Variants in SCMH1 observed in about 807,000 individuals in gnomAD.
SCMH1 encodes polycomb protein SCMH1.
SCMH1 carries 37 observed loss-of-function variants against 70.8 expected under a neutral mutation model. The ratio of observed to expected loss-of-function variants is 0.52; its 90% CI spans 0.40 to 0.69. The LOEUF (loss-of-function observed/expected upper bound fraction) is 0.69, where lower values mean the gene tolerates loss of function less well. Ranked by LOEUF, SCMH1 falls within the 30% of genes least tolerant of loss-of-function variation. The pLI, the probability that SCMH1 is intolerant of heterozygous loss-of-function variation, is 0.00. For missense variants in SCMH1, 607 were observed against 827.3 expected, an observed-to-expected ratio of 0.73 and a Z score of 3.27; for synonymous variants, 292 against 307.4, an observed-to-expected ratio of 0.95 and a Z score of 0.52.
At chr1:41,122,147 C>T (rs899442085) in intron 6 of SCMH1, among the ~76,000 whole-genome samples, 5 of 152,164 alleles carry the variant, frequency 3.3e-5, no homozygotes, top group African/African-American at 9.7e-5. Flanking sequence ...GCTCAAATTT[C>T]ACAACACAAA....
intron 11 of SCMH1, among the ~76,000 whole-genome samples, chr1:41,047,839 T>C (rs1408304675): frequency 1.3e-5 from 2 of 152,230 alleles, no homozygotes; most frequent in Non-Finnish European, 2.9e-5. Flanking sequence ...CTATGTATAT[T>C]CTTTCTTTTT....
At chr1:41,203,335 C>A (rs565495753) in intron 1 of SCMH1, among the ~76,000 whole-genome samples, 12 of 151,856 alleles carry the variant, frequency 7.9e-5, no homozygotes, top group African/African-American at 2.9e-4. Flanking sequence ...AATTGAGATC[C>A]GTTTTTAATT....
At chr1:41,187,922 G>C (rs1650690544) in intron 1 of SCMH1, among the ~76,000 whole-genome samples, 1 of 152,098 alleles carries the variant, frequency 6.6e-6, no homozygotes, top group Non-Finnish European at 1.5e-5. Context: ...AGGAGGTCAA[G>C]GCTGCAGTGA....
chr1:41,028,722 C>T (rs545780309), exon 14 of SCMH1: 26 of 1,613,942 alleles, frequency 1.6e-5, no homozygotes, highest in East Asian at 6.7e-5. Flanking sequence ...GGTATCGGTC[C>T]GACCCTGCAG....
intron 6 of SCMH1, among the ~76,000 whole-genome samples, chr1:41,122,618 T>C (rs959845884): frequency 3.3e-5 from 5 of 152,124 alleles, no homozygotes; most frequent in African/African-American, 1.2e-4. Flanking sequence ...AAAAACAACA[T>C]GGGGAAGAAT....
chr1:41,064,441 C>T (rs1010198990), intron 10 of SCMH1, among the ~76,000 whole-genome samples: 9 of 151,964 alleles, frequency 5.9e-5, no homozygotes, highest in African/African-American at 1.9e-4. Flanking sequence ...TTGGGAAGGA[C>T]GAAATAAAAC....
intron 1 of SCMH1, among the ~76,000 whole-genome samples, chr1:41,204,568 T>A (rs11209683): frequency 0.078 from 11,877 of 152,216 alleles, 599 homozygotes; most frequent in South Asian, 0.13. Flanking sequence ...CCTTATGACC[T>A]TGGGGCCTTT....
chr1:41,041,451 G>A (rs186082351), intron 12 of SCMH1: 1 of 152,204 alleles, frequency 6.6e-6, no homozygotes, highest in African/African-American at 2.4e-5. Flanking sequence ...TATAACAAAG[G>A]AAAGAAACAG....
At chr1:41,119,900 CTTCTT>C (rs1250592607) in intron 6 of SCMH1, among the ~76,000 whole-genome samples, 2 of 152,142 alleles carry the variant, frequency 1.3e-5, no homozygotes, top group Admixed American at 6.5e-5. Context: ...AACTGCTACT[CTTCTT>C]TTGACAATGG....
At chr1:41,186,490 C>T (rs1267272210) in intron 1 of SCMH1, among the ~76,000 whole-genome samples, 1 of 152,064 alleles carries the variant, frequency 6.6e-6, no homozygotes, top group African/African-American at 2.4e-5. Context: ...TACATTTGGT[C>T]CCATTCAAAT....
intron 5 of SCMH1, among the ~76,000 whole-genome samples, chr1:41,144,705 A>G (rs1186791691): frequency 1.3e-5 from 2 of 152,136 alleles, no homozygotes; most frequent in African/African-American, 4.8e-5. Flanking sequence ...ATAGGATTTC[A>G]TAATTTTACC....
chr1:41,114,279 CGG>C (rs1669914515), intron 7 of SCMH1, among the ~76,000 whole-genome samples: 1 of 152,024 alleles, frequency 6.6e-6, no homozygotes. Context: ...ATACTTTCAC[CGG>C]AAGTGTAGAG....
intron 2 of SCMH1, chr1:41,163,034 GAGA>G (rs1468393422): frequency 6.6e-6 from 1 of 152,294 alleles, no homozygotes; most frequent in Non-Finnish European, 1.5e-5. Flanking sequence ...TTTGGGCAAA[GAGA>G]AGGAGGGAAG....
rs867799885 is a variant in SCMH1 at position 41,223,149 on chromosome 1, A to G, written c.-118+18910T>C. ...AGAGAGATTACTGCATATTCTATCA[A>G]TGGAATCTGGAGCCTTCCAGGATTA... On this transcript the variant is annotated intron_variant, in intron 1 of 14. Transcript: ENST00000337495. Among the ~76,000 whole-genome samples the G allele has an allele frequency of 2.6e-5, 4 of 152,322 alleles. 1 individual carries two copies. In the Middle Eastern group the frequency reaches 0.014, roughly 518 times the overall value.
chr1:41,088,830 A>G (rs537473131), intron 8 of SCMH1, among the ~76,000 whole-genome samples: 9 of 152,336 alleles, frequency 5.9e-5, no homozygotes, highest in Admixed American at 3.3e-4. Context: ...TTTTATGTGT[A>G]TTATAGGATG....
chr1:41,058,543 G>A (rs1034064085), intron 10 of SCMH1, among the ~76,000 whole-genome samples: 4 of 151,910 alleles, frequency 2.6e-5, no homozygotes, highest in Admixed American at 6.6e-5. Flanking sequence ...ACCACACCTG[G>A]CTAATTCTTT....
intron 9 of SCMH1, among the ~76,000 whole-genome samples, chr1:41,075,008 G>A (rs1657805852): frequency 6.6e-6 from 1 of 152,198 alleles, no homozygotes; most frequent in Non-Finnish European, 1.5e-5. Context: ...GACTACAGGC[G>A]CCCACCACCA....
At chr1:41,225,655 T>A (rs1439401941) in intron 1 of SCMH1, among the ~76,000 whole-genome samples, 5 of 152,172 alleles carry the variant, frequency 3.3e-5, no homozygotes, top group African/African-American at 9.7e-5. Context: ...ATGCATCGTA[T>A]CCCAGAGAGG....
chr1:41,193,515 G>T (rs1245584631), intron 1 of SCMH1, among the ~76,000 whole-genome samples: 1 of 151,594 alleles, frequency 6.6e-6, no homozygotes, highest in Non-Finnish European at 1.5e-5. Flanking sequence ...GATTAACTTT[G>T]CCAGGGGTTG....
Sources: allele counts gnomAD v4.1 joint callset (sites outside exome capture counted in the v4.1 genomes callset), GRCh38; gene constraint gnomAD v4.1.1; transcripts MANE v1.5; gene names NCBI Gene and HGNC (gene_info 2026-07-23, HGNC 2026-07-21).